The following ANAPC4 variants were observed in gnomAD, a reference collection of about 807,000 sequenced individuals.
ANAPC4 encodes the protein anaphase-promoting complex subunit 4.
In ANAPC4, 63 loss-of-function variants were observed where a neutral mutation model predicts 119.8. The ratio of observed to expected loss-of-function variants is 0.53; its 90% CI spans 0.43 to 0.65. ANAPC4 has a LOEUF of 0.65. Among genes scored for constraint, ANAPC4 ranks in the 30% least tolerant of loss-of-function variants. The pLI is 0.00. For synonymous variants in ANAPC4, 283 were observed against 318.6 expected (o/e 0.89, Z 1.19); for missense variants, 716 against 945.1 (o/e 0.76, Z 3.18).
At chr4:25,384,543 G>T (rs1721922046) in intron 4 of ANAPC4, among the ~76,000 whole-genome samples, 1 of 152,160 alleles carries the variant, frequency 6.6e-6, no homozygotes, top group Non-Finnish European at 1.5e-5. Context: ...AGACTTGAAA[G>T]ATGGCCAGGC....
chr4:25,392,605 C>T (rs1478626694), intron 10 of ANAPC4, among the ~76,000 whole-genome samples, 184 bp downstream of exon 10: 1 of 152,182 alleles, frequency 6.6e-6, no homozygotes, highest in African/African-American at 2.4e-5. Flanking sequence ...ACTTTCACCG[C>T]ACCCTATTTT....
chr4:25,389,065 A>G (rs531432619), intron 7 of ANAPC4, among the ~76,000 whole-genome samples, 183 bp downstream of exon 7: 1 of 152,186 alleles, frequency 6.6e-6, no homozygotes, highest in Admixed American at 6.5e-5. Flanking sequence ...ATATTGGCTC[A>G]CTACAACCTC....
At chr4:25,411,992 C>G (rs900061600) in intron 21 of ANAPC4, among the ~76,000 whole-genome samples, 2 of 152,100 alleles carry the variant, frequency 1.3e-5, no homozygotes, top group African/African-American at 4.8e-5. Flanking sequence ...TCTCTGGGTC[C>G]CCACATCTCT....
At chr4:25,403,909 G>T (rs1723115600) in intron 17 of ANAPC4, among the ~76,000 whole-genome samples, 1 of 152,190 alleles carries the variant, frequency 6.6e-6, no homozygotes, top group Admixed American at 6.5e-5. Flanking sequence ...GATATTAAAT[G>T]TTTTGTATTC....
In ANAPC4 at chr4:25,418,456, C is replaced by T; in HGVS notation, c.*74C>T. The T allele has an allele frequency of 8.0e-7, 1 of 1,250,924 alleles. No homozygotes were observed. The highest frequency in any genetic ancestry group is 1.3e-5 in the South Asian group (1 of 74,752). 77.5% of individuals were successfully genotyped at this position (1,250,924 alleles called of 1,614,324 possible). A position where few individuals can be genotyped will look rare whatever the true frequency, so the allele number is the denominator to read the frequency against. On this transcript the variant is annotated 3_prime_UTR_variant, in exon 29 of 29. Coordinates refer to ENST00000315368, the MANE Select transcript of ANAPC4 (RefSeq NM_013367.3). ...AGATGGACTAAGATGTCTTGGACCACCTTTGTGTAACAAAGAAATAAACAG... is the reference window on the plus strand; with the variant it reads ...AGATGGACTAAGATGTCTTGGACCATCTTTGTGTAACAAAGAAATAAACAG...
intron 22 of ANAPC4, 97 bp downstream of exon 22, chr4:25,413,839 A>G (rs1723711395): frequency 4.1e-6 from 4 of 976,824 alleles, no homozygotes; most frequent in South Asian, 1.7e-5. Context: ...AGAATGAACT[A>G]TGAAAATGTT....
chr4:25,385,479 T>C (rs1017669867), intron 4 of ANAPC4, among the ~76,000 whole-genome samples: 5 of 152,204 alleles, frequency 3.3e-5, no homozygotes, highest in African/African-American at 9.7e-5. Context: ...TTGAAGAGAG[T>C]TGGGGCCTTA....
At position 25,388,444 on chromosome 4, in the gene ANAPC4, G is replaced by A. The variant is rs145109761; in HGVS notation, c.369-56G>A. 7.8e-4 allele frequency: 943 copies of A among 1,208,066 alleles called. 7 individuals are homozygous for A. In the African/African-American group the frequency reaches 0.012, roughly 16 times the overall value. The allele number at this position is 1,208,066 out of a possible 1,614,324, so 74.8% of individuals were successfully genotyped here. A position where few individuals can be genotyped will look rare whatever the true frequency, so the allele number is the denominator to read the frequency against. On this transcript the variant is annotated intron_variant, in intron 4 of 28. Transcript: ENST00000315368. ...TTTTTAAAAATTAGCATTTTTAATGGCAAGAGAAGTAAAATCTTTGGTGTT... is the reference window on the plus strand; with the variant it reads ...TTTTTAAAAATTAGCATTTTTAATGACAAGAGAAGTAAAATCTTTGGTGTT...
intron 9 of ANAPC4, 40 bp from the exon 10 acceptor site, chr4:25,392,298 G>A: frequency 7.3e-7 from 1 of 1,367,114 alleles, no homozygotes; most frequent in Non-Finnish European, 1.0e-6. Flanking sequence ...TGCAGCAAGT[G>A]CATCTGATGA....
At chr4:25,403,218 C>T (rs183577545) in intron 17 of ANAPC4, among the ~76,000 whole-genome samples, 192 bp downstream of exon 17, 128 of 152,134 alleles carry the variant, frequency 8.4e-4, no homozygotes, top group Middle Eastern at 6.8e-3. Flanking sequence ...TTCATACACC[C>T]AGCTCACCAC....
chr4:25,379,365 G>A (rs994774995), intron 2 of ANAPC4, among the ~76,000 whole-genome samples: 5 of 152,222 alleles, frequency 3.3e-5, no homozygotes, highest in African/African-American at 9.6e-5. Context: ...CTAGGGGTCT[G>A]TAGAGGACTG....
At chr4:25,400,120 C>G (rs934346932) in intron 16 of ANAPC4, among the ~76,000 whole-genome samples, 16 of 152,142 alleles carry the variant, frequency 1.1e-4, no homozygotes, top group African/African-American at 3.9e-4. Context: ...CAAATATAGC[C>G]TCTTGAGGAG....
At chr4:25,396,563 G>A (rs961598819) in intron 14 of ANAPC4, 101 bp from the exon 15 acceptor site, 1 of 866,566 alleles carries the variant, frequency 1.2e-6, no homozygotes, top group Admixed American at 2.7e-5. Flanking sequence ...CAAAATGAAA[G>A]TTACTTTCAG....
chr4:25,398,001 A>G lies in ANAPC4; in HGVS notation c.1214+1102A>G, dbSNP rs192188683. 3.3e-5 allele frequency among the ~76,000 whole-genome samples: 5 copies of G among 152,138 alleles called. No homozygotes were observed. The East Asian group carries it at 9.7e-4, about 29-fold the overall frequency. On this transcript the variant is annotated intron_variant, in intron 16 of 28. Coordinates refer to ENST00000315368, the MANE Select transcript of ANAPC4 (RefSeq NM_013367.3). ...GGCTGGACTTGAGCTCCTGGGCTCAAGTGATCCTCTTGCCTCAGCCTCCTG... is the reference window on the plus strand; with the variant it reads ...GGCTGGACTTGAGCTCCTGGGCTCAGGTGATCCTCTTGCCTCAGCCTCCTG...
At chr4:25,387,918 A>G (rs1333103755) in intron 4 of ANAPC4, among the ~76,000 whole-genome samples, 2 of 151,998 alleles carry the variant, frequency 1.3e-5, no homozygotes, top group Non-Finnish European at 2.9e-5. Flanking sequence ...AGGAGGAAGG[A>G]GTTTCAGACC....
intron 4 of ANAPC4, among the ~76,000 whole-genome samples, chr4:25,384,021 A>G (rs1256838668): frequency 6.6e-6 from 1 of 152,254 alleles, no homozygotes; most frequent in Non-Finnish European, 1.5e-5. Context: ...TACCCAAGGT[A>G]GAACTTCTTT....
chr4:25,390,085 AT>A, intron 7 of ANAPC4, 50 bp from the exon 8 acceptor site: 1 of 1,250,942 alleles, frequency 8.0e-7, no homozygotes, highest in South Asian at 1.3e-5. Flanking sequence ...TAACAATGCA[AT>A]CATCTGTGTT....
chr4:25,417,506 G>C lies in ANAPC4; in HGVS notation c.2076-110G>C, dbSNP rs79002466. 1,845 of 1,065,270 alleles carry C rather than the reference G, an allele frequency of 1.7e-3. 41 individuals carry two copies. The East Asian group carries it at 0.039, about 22-fold the overall frequency. The allele number at this position is 1,065,270 out of a possible 1,614,324, so 66.0% of individuals were successfully genotyped here. ...AGTTGCTAAAATTATATTGGAAATA[G>C]AAGTATGAGTAGAAGTCAAAACCAT... On this transcript the variant is annotated intron_variant, in intron 27 of 28. Transcript: ENST00000315368.
At chr4:25,406,795 T>C in intron 18 of ANAPC4, 34 bp from the exon 19 acceptor site, 2 of 1,504,918 alleles carry the variant, frequency 1.3e-6, no homozygotes, top group Non-Finnish European at 1.8e-6. Context: ...CTTTCTTTTA[T>C]CTTGATTTTT....
Sources: gnomAD v4.1 joint callset for allele counts (sites outside exome capture counted in the v4.1 genomes callset) on GRCh38, gnomAD v4.1.1 for gene constraint, MANE v1.5 for transcripts, NCBI Gene and HGNC (gene_info 2026-07-23, HGNC 2026-07-21) for gene names.